Variants in AKR1C8 observed in about 807,000 individuals in gnomAD.
The protein encoded by AKR1C8 is aldo-keto reductase family 1 member C-like protein 1.
the AKR1C8 span, among the ~76,000 whole-genome samples, chr10:5,139,139 C>T: frequency 2.0e-5 from 3 of 152,070 alleles, no homozygotes; most frequent in East Asian, 1.9e-4. Flanking sequence ...CAAACCACTG[C>T]TCAATGAAAT....
At chr10:5,175,204 C>A in the AKR1C8 span, among the ~76,000 whole-genome samples, 730 of 150,678 alleles carry the variant, frequency 4.8e-3, 3 homozygotes, top group Admixed American at 7.3e-3. Context: ...CAATTCCCAC[C>A]TATGACTGAG....
chr10:5,149,876 T>G, the AKR1C8 span, among the ~76,000 whole-genome samples: 1 of 152,126 alleles, frequency 6.6e-6, no homozygotes, highest in Non-Finnish European at 1.5e-5. Flanking sequence ...AGAAAAAATA[T>G]TTTTCAAATT....
At chr10:5,117,089 A>G in the AKR1C8 span, among the ~76,000 whole-genome samples, 1 of 151,836 alleles carries the variant, frequency 6.6e-6, no homozygotes, top group African/African-American at 2.4e-5. Flanking sequence ...TCAGCCTCAA[A>G]AAGTGTGTTT....
At chr10:5,177,231 A>G in the AKR1C8 span, among the ~76,000 whole-genome samples, 107 of 152,080 alleles carry the variant, frequency 7.0e-4, 1 homozygote, top group East Asian at 0.019. Context: ...ATCTATTGAG[A>G]TAATCATGTG....
At chr10:5,174,371 C>T in the AKR1C8 span, among the ~76,000 whole-genome samples, 3 of 151,526 alleles carry the variant, frequency 2.0e-5, no homozygotes, top group Non-Finnish European at 2.9e-5. Flanking sequence ...TCTTAGTTCA[C>T]GTGACTTTAA....
At chr10:5,129,360 C>T in the AKR1C8 span, among the ~76,000 whole-genome samples, 1 of 151,948 alleles carries the variant, frequency 6.6e-6, no homozygotes, top group Non-Finnish European at 1.5e-5. Context: ...TATCACACCT[C>T]TATGTACTAG....
At chr10:5,157,559 G>A in the AKR1C8 span, 158 of 400,400 alleles carry the variant, frequency 3.9e-4, no homozygotes, top group African/African-American at 2.0e-3. Context: ...GACACGTGTC[G>A]CATTCTCCCA....
At chr10:5,122,448 A>G in the AKR1C8 span, among the ~76,000 whole-genome samples, 589 of 152,276 alleles carry the variant, frequency 3.9e-3, 4 homozygotes, top group Non-Finnish European at 5.9e-3. Context: ...AAAGGAAATC[A>G]CTTGTTTTAA....
At chr10:5,153,261 T>C in the AKR1C8 span, among the ~76,000 whole-genome samples, 1 of 152,100 alleles carries the variant, frequency 6.6e-6, no homozygotes, top group East Asian at 1.9e-4. Context: ...TGGAACAATA[T>C]ACAAAAATAA....
chr10:5,174,408 A>T, the AKR1C8 span, among the ~76,000 whole-genome samples: 1 of 152,212 alleles, frequency 6.6e-6, no homozygotes, highest in East Asian at 1.9e-4. Context: ...TGTCTTAAAA[A>T]GTATTGGTAA....
At chr10:5,164,438 GACT>G in the AKR1C8 span, among the ~76,000 whole-genome samples, 88 of 152,110 alleles carry the variant, frequency 5.8e-4, 1 homozygote, top group South Asian at 0.018. Flanking sequence ...CATCATGAGA[GACT>G]ACTACATTTT....
chr10:5,167,494 T>G, the AKR1C8 span, among the ~76,000 whole-genome samples: 1 of 152,162 alleles, frequency 6.6e-6, no homozygotes. Flanking sequence ...GGGACATGGA[T>G]GAAGCTGGAA....
chr10:5,131,019 A>C, the AKR1C8 span, among the ~76,000 whole-genome samples: 1 of 152,174 alleles, frequency 6.6e-6, no homozygotes, highest in East Asian at 1.9e-4. Flanking sequence ...GAAACAAAAT[A>C]GAGAACCCAG....
the AKR1C8 span, among the ~76,000 whole-genome samples, chr10:5,168,724 C>G: frequency 6.6e-6 from 1 of 151,910 alleles, no homozygotes; most frequent in Non-Finnish European, 1.5e-5. Context: ...AAAAGAAAAC[C>G]AGTAAAAAGG....
At chr10:5,182,098 C>T in the AKR1C8 span, among the ~76,000 whole-genome samples, 1 of 151,934 alleles carries the variant, frequency 6.6e-6, no homozygotes, top group Non-Finnish European at 1.5e-5. Flanking sequence ...CAACTTTTAA[C>T]GATTGAATAA....
chr10:5,148,688 T>C, the AKR1C8 span, among the ~76,000 whole-genome samples: 1 of 152,150 alleles, frequency 6.6e-6, no homozygotes, highest in African/African-American at 2.4e-5. Context: ...TCAATAAATC[T>C]ACATTTTATA....
the AKR1C8 span, among the ~76,000 whole-genome samples, chr10:5,116,713 C>T: frequency 7.9e-3 from 1,205 of 152,286 alleles, 15 homozygotes; most frequent in African/African-American, 0.027. Flanking sequence ...GCTTGAAGTT[C>T]TGCCCACTGG....
chr10:5,137,087 A>T, the AKR1C8 span, among the ~76,000 whole-genome samples: 1 of 152,188 alleles, frequency 6.6e-6, no homozygotes, highest in Non-Finnish European at 1.5e-5. Flanking sequence ...ACATATCTTA[A>T]TTTAAACATT....
chr10:5,117,820 AG>A, the AKR1C8 span, among the ~76,000 whole-genome samples: 8 of 152,182 alleles, frequency 5.3e-5, no homozygotes, highest in Admixed American at 3.9e-4. Flanking sequence ...CTATGAAAAA[AG>A]TAATAAAGCC....
Sources: allele counts gnomAD v4.1 joint callset (sites outside exome capture counted in the v4.1 genomes callset), GRCh38; gene constraint gnomAD v4.1.1; transcripts MANE v1.5; gene names NCBI Gene and HGNC (gene_info 2026-07-23, HGNC 2026-07-21).